The following ST6GALNAC5 variants were observed in gnomAD, a reference collection of about 807,000 sequenced individuals.
ST6GALNAC5 encodes ST6 N-acetylgalactosaminide alpha-2,6-sialyltransferase 5, also known as alpha-N-acetylgalactosaminide alpha-2,6-sialyltransferase 5.
In ST6GALNAC5, 27 loss-of-function variants were observed where a neutral mutation model predicts 33.6. That is an observed-to-expected ratio of 0.80 (90% CI 0.59 to 1.11). ST6GALNAC5 has a LOEUF of 1.11. Among genes scored for constraint, ST6GALNAC5 ranks in the 50% least tolerant of loss-of-function variants. ST6GALNAC5 has a pLI of 0.00. For missense variants in ST6GALNAC5, 428 were observed against 454.0 expected, an observed-to-expected ratio of 0.94 and a Z score of 0.52; for synonymous variants, 194 against 171.2, an observed-to-expected ratio of 1.13 and a Z score of -1.04.
At chr1:77,033,386 G>T (rs12136403) in intron 2 of ST6GALNAC5, among the ~76,000 whole-genome samples, 5,961 of 152,248 alleles carry the variant, frequency 0.039, 138 homozygotes, top group Non-Finnish European at 0.059. Flanking sequence ...TTTTTAAAAA[G>T]TTTAAATCAT....
chr1:76,928,386 G>C (rs1438542827), intron 2 of ST6GALNAC5, among the ~76,000 whole-genome samples: 2 of 152,058 alleles, frequency 1.3e-5, no homozygotes, highest in Non-Finnish European at 2.9e-5. Context: ...TTTAATAAAA[G>C]GAAACACTTG....
chr1:76,966,365 T>G (rs1481418470), intron 2 of ST6GALNAC5, among the ~76,000 whole-genome samples: 1 of 152,228 alleles, frequency 6.6e-6, no homozygotes, highest in Non-Finnish European at 1.5e-5. Context: ...TTTGTAGCAA[T>G]TGTGAATGGG....
chr1:76,966,573 A>G (rs1292421058), intron 2 of ST6GALNAC5, among the ~76,000 whole-genome samples: 2 of 152,170 alleles, frequency 1.3e-5, no homozygotes, highest in African/African-American at 2.4e-5. Context: ...CTCTTTTCCT[A>G]ATTGAATACC....
At chr1:76,987,413 G>A (rs1477756469) in intron 2 of ST6GALNAC5, among the ~76,000 whole-genome samples, 1 of 152,118 alleles carries the variant, frequency 6.6e-6, no homozygotes, top group African/African-American at 2.4e-5. Context: ...CAGTTAGGTT[G>A]GCTATATTCA....
chr1:77,032,259 A>G (rs182905229), intron 2 of ST6GALNAC5, among the ~76,000 whole-genome samples: 61 of 152,270 alleles, frequency 4.0e-4, no homozygotes, highest in African/African-American at 1.4e-3. Context: ...GGCATGAGAT[A>G]CAGAGGGACT....
chr1:77,029,263 C>A (rs1651362801), intron 2 of ST6GALNAC5, among the ~76,000 whole-genome samples: 1 of 152,168 alleles, frequency 6.6e-6, no homozygotes, highest in Non-Finnish European at 1.5e-5. Context: ...AGTATAGTTA[C>A]ATTGCCTGCT....
At chr1:76,965,046 T>A (rs969951518) in intron 2 of ST6GALNAC5, among the ~76,000 whole-genome samples, 11 of 152,222 alleles carry the variant, frequency 7.2e-5, no homozygotes, top group African/African-American at 2.7e-4. Flanking sequence ...TTTGCTATTG[T>A]GAATAGTGCC....
intron 2 of ST6GALNAC5, among the ~76,000 whole-genome samples, chr1:77,024,000 T>C (rs1049883286): frequency 4.6e-5 from 7 of 152,186 alleles, no homozygotes; most frequent in Admixed American, 6.5e-5. Flanking sequence ...AAAGGGTCAC[T>C]GTTAAGGAGA....
At chr1:77,019,175 G>C (rs1035851662) in intron 2 of ST6GALNAC5, among the ~76,000 whole-genome samples, 1 of 152,190 alleles carries the variant, frequency 6.6e-6, no homozygotes, top group African/African-American at 2.4e-5. Context: ...GTCATTTGTT[G>C]CAGGCAGAGG....
intron 2 of ST6GALNAC5, among the ~76,000 whole-genome samples, chr1:76,926,880 G>C (rs982862535): frequency 5.3e-5 from 8 of 151,934 alleles, no homozygotes; most frequent in African/African-American, 1.7e-4. Flanking sequence ...TCATTTGTTA[G>C]GTAAAGATGA....
At chr1:76,997,010 C>T (rs893819566) in intron 2 of ST6GALNAC5, among the ~76,000 whole-genome samples, 6 of 152,144 alleles carry the variant, frequency 3.9e-5, no homozygotes, top group African/African-American at 1.4e-4. Context: ...ATCACATGAA[C>T]CCCTGGAGAA....
At chr1:77,015,495 G>A (rs1051301870) in intron 2 of ST6GALNAC5, among the ~76,000 whole-genome samples, 2 of 152,166 alleles carry the variant, frequency 1.3e-5, no homozygotes, top group African/African-American at 4.8e-5. Flanking sequence ...AGGGCTCACA[G>A]TCCACCCATA....
At chr1:76,939,843 A>G (rs1647287665) in intron 2 of ST6GALNAC5, among the ~76,000 whole-genome samples, 1 of 152,132 alleles carries the variant, frequency 6.6e-6, no homozygotes, top group Non-Finnish European at 1.5e-5. Context: ...TCCAGCAAAT[A>G]TGAGACTCCC....
chr1:76,934,063 ACTACATT>A (rs1033072440), intron 2 of ST6GALNAC5, among the ~76,000 whole-genome samples: 5 of 152,008 alleles, frequency 3.3e-5, no homozygotes, highest in Admixed American at 1.3e-4. Context: ...TGTGTTTTTA[ACTACATT>A]TAGAGTCTGG....
rs990918332 is a variant in ST6GALNAC5, at chr1:77,016,792, A to G, written c.262-27412A>G. ...TTCTCAAGCCTTTCAACAGTCCTAC[A>G]TCCACAAAAGGGGAAAGGGACACTG... On this transcript the variant is annotated intron_variant, in intron 2 of 4. Transcript: ENST00000477717. Among the ~76,000 whole-genome samples the G allele has an allele frequency of 2.0e-5, 3 of 152,198 alleles. No individual in the cohort carries two copies. In the East Asian group the frequency reaches 5.8e-4, roughly 29 times the overall value.
intron 2 of ST6GALNAC5, among the ~76,000 whole-genome samples, chr1:76,989,959 C>G (rs1468962625): frequency 6.6e-6 from 1 of 152,120 alleles, no homozygotes; most frequent in East Asian, 1.9e-4. Flanking sequence ...TGAGATCTGT[C>G]TTTAGCCTTT....
Position 76,936,628 on chromosome 1 carries a change from C to T in ST6GALNAC5, c.261+67886C>T, listed in dbSNP as rs544917237. 4.6e-5 allele frequency among the ~76,000 whole-genome samples: 7 copies of T among 152,102 alleles called. No homozygotes were observed. In the East Asian group the frequency reaches 5.8e-4, roughly 13 times the overall value. On this transcript the variant is annotated intron_variant, in intron 2 of 4. Transcript: ENST00000477717. ...GAAGGAGAAGAAATATTTTCTATGG[C>T]GTAGTTCCCTTTGTAGGGTCAACCC...
At chr1:77,056,361 A>G (rs1652399498) in intron 4 of ST6GALNAC5, among the ~76,000 whole-genome samples, 1 of 152,232 alleles carries the variant, frequency 6.6e-6, no homozygotes, top group South Asian at 2.1e-4. Context: ...TGGGCCAAGC[A>G]TTTAAATTCT....
chr1:76,909,316 A>G (rs17099707), intron 2 of ST6GALNAC5, among the ~76,000 whole-genome samples: 5,555 of 152,204 alleles, frequency 0.036, 353 homozygotes, highest in African/African-American at 0.13. Flanking sequence ...GCCAACACCC[A>G]TCTCTGTACT....
Sources: gnomAD v4.1 joint callset for allele counts (sites outside exome capture counted in the v4.1 genomes callset) on GRCh38, gnomAD v4.1.1 for gene constraint, MANE v1.5 for transcripts, NCBI Gene and HGNC (gene_info 2026-07-23, HGNC 2026-07-21) for gene names.